Variants in NRDE2 observed in about 807,000 individuals in gnomAD.
The protein encoded by NRDE2 is nuclear exosome regulator NRDE2.
Under a neutral mutation model 124.2 loss-of-function variants are expected in NRDE2, and 76 were observed. That is an observed-to-expected ratio of 0.61 (90% confidence interval 0.51 to 0.74). The LOEUF is 0.74. NRDE2 is among the 30% of genes least tolerant of loss of function. NRDE2 has a pLI of 0.00. For synonymous variants in NRDE2, 489 were observed against 528.1 expected (o/e 0.93, Z 1.01); for missense variants, 1,314 against 1,417.3 (o/e 0.93, Z 1.17).
chr14:90,272,205 T>G lies in NRDE2; in HGVS notation c.*6131A>C. On this transcript the variant is annotated 3_prime_UTR_variant, in exon 14 of 14. Transcript: ENST00000354366. The surrounding 1 kb of genome is among the most constrained non-coding windows in gnomAD (Gnocchi z 4.5). ...CACCGCGCCTGGCCTCAGAATAGGT[T>G]TTTTGGAATTCCTTGTTAGAATAAA... 6.3e-7 allele frequency: 1 copy of G among 1,575,630 alleles called. No individual in the cohort carries two copies. The highest frequency in any genetic ancestry group is 8.6e-7 in the Non-Finnish European group (1 of 1,163,624).
intron 7 of NRDE2, among the ~76,000 whole-genome samples, chr14:90,299,530 A>G (rs1035530857): frequency 1.3e-5 from 2 of 152,214 alleles, no homozygotes; most frequent in African/African-American, 4.8e-5. Flanking sequence ...GTGAGCCAAT[A>G]ACCTACTCAG....
Position 90,272,395 on chromosome 14 carries a change from G to C in NRDE2, c.*5941C>G, listed in dbSNP as rs750527128. On this transcript the variant is annotated 3_prime_UTR_variant, in exon 14 of 14. Transcript: ENST00000354366. The surrounding 1 kb of genome is among the most constrained non-coding windows in gnomAD (Gnocchi z 4.5). ...AGAAACAGGAAGGCACCCCTGAGGG[G>C]CTGTATCTCTAATGAACCATGGCTG... is the stretch of plus-strand genomic sequence containing the variant. 8.3e-6 allele frequency: 13 copies of C among 1,557,830 alleles called. No individual in the cohort carries two copies. Among genetic ancestry groups the C allele is most frequent in the Non-Finnish European group, 8.7e-7 (1 of 1,149,120 alleles).
At chr14:90,320,763 C>G (rs1885212840) in intron 1 of NRDE2, among the ~76,000 whole-genome samples, 1 of 152,164 alleles carries the variant, frequency 6.6e-6, no homozygotes, top group South Asian at 2.1e-4. Flanking sequence ...AGGCCAAACA[C>G]CAGGCTAAGA....
chr14:90,289,223 G>C lies in NRDE2; in HGVS notation c.2230-78C>G. ...TCTGCTGCCAACTGTAGAAAGCACTGACAGGAAAAAAGGCGTCTACGCTTC... is the reference window on the plus strand; with the variant it reads ...TCTGCTGCCAACTGTAGAAAGCACTCACAGGAAAAAAGGCGTCTACGCTTC... On this transcript the variant is annotated intron_variant, in intron 10 of 13. Coordinates refer to ENST00000354366, the MANE Select transcript of NRDE2 (RefSeq NM_017970.4). 3.2e-6 allele frequency: 4 copies of C among 1,264,870 alleles called. No individual in the cohort carries two copies. The Admixed American group carries it at 9.0e-5, about 29-fold the overall frequency. 78.4% of individuals were successfully genotyped at this position (1,264,870 alleles called of 1,614,324 possible).
intron 7 of NRDE2, among the ~76,000 whole-genome samples, chr14:90,300,464 A>G (rs931808358): frequency 1.3e-5 from 2 of 152,128 alleles, no homozygotes; most frequent in African/African-American, 4.8e-5. Flanking sequence ...CATATATTCT[A>G]TTTATCTTCC....
Position 90,304,364 on chromosome 14 carries a change from G to T in NRDE2, c.576C>A (p.Asp192Glu). The T allele has an allele frequency of 1.2e-6, 2 of 1,608,564 alleles. No individual in the cohort carries two copies. Among genetic ancestry groups the T allele is most frequent in the South Asian group, 1.1e-5 (1 of 90,762 alleles). Residue 192 changes from aspartate to glutamate, a missense_variant, in exon 5 of 14, where the codon GAC becomes GAA. Asp to Glu is a conservative substitution (Grantham distance 45). Coordinates refer to ENST00000354366, the MANE Select transcript of NRDE2 (RefSeq NM_017970.4). ...TCTTAGGGTTAATGCCAAGGCAGGA[G>T]TCTCCTTTCCTCTTGTATCTGATAT... ...GDIARYKRKG[D>E]SCLGINPKKQ...
intron 12 of NRDE2, among the ~76,000 whole-genome samples, chr14:90,283,312 T>A (rs765564139): frequency 1.3e-5 from 2 of 152,248 alleles, no homozygotes; most frequent in Non-Finnish European, 1.5e-5. Context: ...CAATAAGCAC[T>A]TTTTGTCTAC....
At chr14:90,284,257 G>A (rs986132125) in intron 12 of NRDE2, among the ~76,000 whole-genome samples, 4 of 152,014 alleles carry the variant, frequency 2.6e-5, no homozygotes, top group Non-Finnish European at 5.9e-5. Flanking sequence ...TTTGTCATGT[G>A]TAACATGATC....
At position 90,270,513 on chromosome 14, in the gene NRDE2, A is replaced by C. The variant is rs1891633664; in HGVS notation, c.*7823T>G. On this transcript the variant is annotated 3_prime_UTR_variant, in exon 14 of 14. Coordinates refer to ENST00000354366, the MANE Select transcript of NRDE2 (RefSeq NM_017970.4). ...TACATCCAAATGGTATATGTGCTTGATATTGAAGTCATTCTTAATGCATCA... is the reference window on the plus strand; with the variant it reads ...TACATCCAAATGGTATATGTGCTTGCTATTGAAGTCATTCTTAATGCATCA... 2 of 766,370 alleles carry C rather than the reference A, an allele frequency of 2.6e-6. No individual in the cohort carries two copies. The highest frequency in any genetic ancestry group is 3.9e-6 in the Non-Finnish European group (2 of 515,076). 47.5% of individuals were successfully genotyped at this position (766,370 alleles called of 1,614,324 possible).
At chr14:90,316,001 T>C (rs1298285112) in intron 3 of NRDE2, among the ~76,000 whole-genome samples, 1 of 138,856 alleles carries the variant, frequency 7.2e-6, no homozygotes, top group Non-Finnish European at 1.6e-5. Context: ...GAGTAAAATA[T>C]GGGAGAAATA....
intron 8 of NRDE2, among the ~76,000 whole-genome samples, chr14:90,297,367 A>G (rs1340680288): frequency 2.0e-5 from 3 of 152,188 alleles, no homozygotes; most frequent in African/African-American, 7.2e-5. Context: ...TAAGTAAAAT[A>G]CACTATCAAA....
intron 10 of NRDE2, 45 bp downstream of exon 10, chr14:90,290,176 T>G: frequency 6.3e-7 from 1 of 1,586,518 alleles, no homozygotes; most frequent in Non-Finnish European, 8.6e-7. Flanking sequence ...AACACTGACA[T>G]GAAATGAAAA....
chr14:90,308,468 C>A (rs1379523293), intron 4 of NRDE2, among the ~76,000 whole-genome samples: 2 of 152,054 alleles, frequency 1.3e-5, no homozygotes, highest in Non-Finnish European at 1.5e-5. Context: ...CAAAACATTG[C>A]CAATCCAGCC....
rs753812137 is a variant in NRDE2, at chr14:90,292,861, C to T, written c.1678G>A (p.Asp560Asn). ...WVVINPDEDD[D>N]EPEEDDQEIK... ...TCCTGGTCATCCTCTTCTGGTTCAT[C>T]GTCATCCTCATCTAGACAAGAATGA... Residue 560 changes from aspartate to asparagine, a missense_variant, in exon 9 of 14, where the codon GAT becomes AAT. Coordinates refer to ENST00000354366, the MANE Select transcript of NRDE2 (RefSeq NM_017970.4). The T allele has an allele frequency of 1.8e-5, 29 of 1,613,588 alleles. No homozygotes were observed. Among genetic ancestry groups the T allele is most frequent in the Middle Eastern group, 1.6e-4 (1 of 6,082 alleles).
At chr14:90,319,818 T>G (rs1885178049) in intron 1 of NRDE2, among the ~76,000 whole-genome samples, 1 of 152,352 alleles carries the variant, frequency 6.6e-6, no homozygotes, top group South Asian at 2.1e-4. Flanking sequence ...ATGGACACAT[T>G]TTCATTTCTC....
rs770338537 is a variant in NRDE2, at chr14:90,288,220, T to C, written c.3155A>G (p.Gln1052Arg). 6.2e-7 allele frequency: 1 copy of C among 1,613,090 alleles called. No homozygotes were observed. Among genetic ancestry groups the C allele is most frequent in the Admixed American group, 1.7e-5 (1 of 59,938 alleles). Residue 1052 changes from glutamine (Q) to arginine (R), a missense_variant, in exon 11 of 14, where the codon CAG (glutamine) becomes CGG (arginine). Transcript: ENST00000354366. ...GAACAGAACGGTCTGGAATTACCTC[T>C]GGACAGTTTCCACCAGTCTCTTCCT... is the stretch of plus-strand genomic sequence containing the variant. ...KLRKRLVETV[Q>R]RLDGREIHAT...
chr14:90,290,265 TCTC>T lies in NRDE2; in HGVS notation c.2182_2184del (p.Glu728del). The T allele has an allele frequency of 2.5e-6, 4 of 1,614,010 alleles. No individual in the cohort carries two copies. Among genetic ancestry groups the T allele is most frequent in the African/African-American group, 1.3e-5 (1 of 75,008 alleles). The stretch of plus-strand genomic sequence containing the variant: ...AACCAGGAGAAGCAGAGCTGGGACT[TCTC>T]TTTGCCTGAAAATAAAGGCATGACA... On this transcript the variant is annotated inframe_deletion, in exon 10 of 14. Transcript: ENST00000354366.
chr14:90,331,836 C>G lies in NRDE2; in HGVS notation c.64+5G>C. 1 of 1,614,126 alleles carries G rather than the reference C, an allele frequency of 6.2e-7. No homozygotes were observed. The highest frequency in any genetic ancestry group is 8.5e-7 in the Non-Finnish European group (1 of 1,180,036). ...GTGCCTTCTTCGGCTCGTTTGTGTGCTTACCTTTCCTGGAGCTCCCGCCAT... is the reference window on the plus strand; with the variant it reads ...GTGCCTTCTTCGGCTCGTTTGTGTGGTTACCTTTCCTGGAGCTCCCGCCAT... On this transcript the variant is annotated splice_donor_5th_base_variant and intron_variant, in intron 1 of 13. Coordinates refer to ENST00000354366, the MANE Select transcript of NRDE2 (RefSeq NM_017970.4).
rs1304229331 is a variant in NRDE2 at position 90,276,216 on chromosome 14, TG to T, written c.*2119del. 2.4e-5 allele frequency: 2 copies of T among 83,874 alleles called. No homozygotes were observed. Among genetic ancestry groups the T allele is most frequent in the Admixed American group, 1.7e-4 (1 of 5,760 alleles). 5.2% of individuals were successfully genotyped at this position (83,874 alleles called of 1,614,324 possible). A position where few individuals can be genotyped will look rare whatever the true frequency, so the allele number is the denominator to read the frequency against. ...TTCATGTCAGCAATCTCAAACGGGC[TG>T]TTTTTTTTTTTTTTTTTTCGAGACG... On this transcript the variant is annotated 3_prime_UTR_variant, in exon 14 of 14. Coordinates refer to ENST00000354366, the MANE Select transcript of NRDE2 (RefSeq NM_017970.4).
Sources: gnomAD v4.1 joint callset for allele counts (sites outside exome capture counted in the v4.1 genomes callset) on GRCh38, gnomAD v4.1.1 for gene constraint, Gnocchi (gnomAD v3.1) non-coding constraint, MANE v1.5 for transcripts, NCBI Gene and HGNC (gene_info 2026-07-23, HGNC 2026-07-21) for gene names.